SAMD12: variants seen among roughly 807,000 people sequenced by gnomAD.
SAMD12 encodes sterile alpha motif domain-containing protein 12.
Under a neutral mutation model 15.0 loss-of-function variants are expected in SAMD12, and 9 were observed. The observed-to-expected ratio is 0.60, with a 90% CI of 0.36 to 1.05. SAMD12 has a LOEUF of 1.05. SAMD12 is among the 50% of genes least tolerant of loss of function. SAMD12 has a pLI of 0.01. For missense variants in SAMD12, 230 were observed against 234.2 expected (o/e 0.98, Z 0.12); for synonymous variants, 86 against 90.1 (o/e 0.96, Z 0.25).
chr8:118,422,835 A>G (rs1016691541), intron 3 of SAMD12, among the ~76,000 whole-genome samples: 7 of 152,162 alleles, frequency 4.6e-5, no homozygotes, highest in African/African-American at 1.7e-4. Context: ...GAAATGCAAA[A>G]GTGGAGGGAG....
chr8:118,467,641 C>T (rs1032394577), intron 2 of SAMD12, among the ~76,000 whole-genome samples: 6 of 152,178 alleles, frequency 3.9e-5, no homozygotes, highest in Non-Finnish European at 7.4e-5. Flanking sequence ...TGTTAGATAT[C>T]GACTCTAGGA....
intron 1 of SAMD12, among the ~76,000 whole-genome samples, chr8:118,590,477 T>G (rs192263798): frequency 6.6e-6 from 1 of 152,346 alleles, no homozygotes; most frequent in Admixed American, 6.5e-5. Flanking sequence ...AGGTGAGCCT[T>G]CCTTCCTGCG....
At chr8:118,239,692 T>C (rs1179884196) in intron 4 of SAMD12, among the ~76,000 whole-genome samples, 4 of 152,152 alleles carry the variant, frequency 2.6e-5, no homozygotes, top group Non-Finnish European at 4.4e-5. Flanking sequence ...TGGGCTAGGA[T>C]ACCAAAGGGT....
rs1197234081 is a variant in SAMD12, at chr8:118,366,899, TAA to T, written c.433+12659_433+12660del. Among the ~76,000 whole-genome samples the T allele has an allele frequency of 5.5e-3, 493 of 90,378 alleles. 5 individuals are homozygous for T. Among genetic ancestry groups the T allele is most frequent in the Non-Finnish European group, 7.9e-3 (332 of 42,202 alleles). 59.3% of individuals were successfully genotyped at this position (90,378 alleles called of 152,430 possible). ...AATAAAATAATAAAATAAAATAAAATAAAATAAAATAAAATAAAAATGAACAA... is the reference window on the plus strand; with the variant it reads ...AATAAAATAATAAAATAAAATAAAATAATAAAATAAAATAAAAATGAACAA... On this transcript the variant is annotated intron_variant, in intron 4 of 4. Transcript: ENST00000409003.
chr8:118,424,712 C>A (rs1337426461), intron 3 of SAMD12, among the ~76,000 whole-genome samples: 5 of 152,170 alleles, frequency 3.3e-5, no homozygotes, highest in African/African-American at 1.2e-4. Context: ...AACAGTGCCA[C>A]AGGATTGTAA....
downstream of SAMD12, among the ~76,000 whole-genome samples, chr8:118,187,301 A>C (rs1191594455): frequency 6.6e-6 from 1 of 152,236 alleles, no homozygotes; most frequent in Non-Finnish European, 1.5e-5. Context: ...GTGAAAAATA[A>C]GGGAAAGCTA....
In SAMD12 at chr8:118,457,275, T is replaced by C. The variant is rs1823286616; in HGVS notation, c.193-17314A>G. Among the ~76,000 whole-genome samples, 6 of 151,196 alleles carry C rather than the reference T, an allele frequency of 4.0e-5. No individual in the cohort carries two copies. The Admixed American group carries it at 4.0e-4, about 10-fold the overall frequency. ...GAGACAAGGCTTACTCTCTTGCCCATGCTGGAGTGCGGTGGCATGATCATC... is the reference window on the plus strand; with the variant it reads ...GAGACAAGGCTTACTCTCTTGCCCACGCTGGAGTGCGGTGGCATGATCATC... On this transcript the variant is annotated intron_variant, in intron 2 of 3. Transcript: ENST00000314727.
At chr8:118,308,428 C>G (rs1815453671) in intron 4 of SAMD12, among the ~76,000 whole-genome samples, 1 of 152,104 alleles carries the variant, frequency 6.6e-6, no homozygotes, top group South Asian at 2.1e-4. Context: ...CACAACTACC[C>G]TATGCATTAG....
chr8:118,160,839 C>T, the SAMD12 span, among the ~76,000 whole-genome samples: 23 of 151,994 alleles, frequency 1.5e-4, no homozygotes, highest in East Asian at 3.9e-4. Flanking sequence ...ATGTGCACAA[C>T]GTGCAGGTTT....
chr8:118,246,818 G>A (rs1204299893), intron 4 of SAMD12, among the ~76,000 whole-genome samples: 1 of 152,100 alleles, frequency 6.6e-6, no homozygotes, highest in Non-Finnish European at 1.5e-5. Context: ...GTTAGATGAG[G>A]AAGGATTTCC....
intron 4 of SAMD12, among the ~76,000 whole-genome samples, chr8:118,259,883 T>A (rs1813036118): frequency 1.3e-5 from 2 of 152,128 alleles, no homozygotes; most frequent in South Asian, 4.1e-4. Context: ...TGGTTGCTAG[T>A]ACATTTCAAG....
At chr8:118,329,999 G>A (rs1446124261) in intron 4 of SAMD12, among the ~76,000 whole-genome samples, 1 of 152,080 alleles carries the variant, frequency 6.6e-6, no homozygotes, top group African/African-American at 2.4e-5. Context: ...AGAAGAACTC[G>A]CTTGTATGGA....
chr8:118,245,994 T>C (rs1812682191), intron 4 of SAMD12, among the ~76,000 whole-genome samples: 1 of 152,054 alleles, frequency 6.6e-6, no homozygotes, highest in African/African-American at 2.4e-5. Flanking sequence ...AGAGCTAAAG[T>C]GGAGAGGGAA....
intron 3 of SAMD12, among the ~76,000 whole-genome samples, chr8:118,384,410 C>T (rs561444809): frequency 3.9e-5 from 6 of 152,282 alleles, no homozygotes; most frequent in South Asian, 2.1e-4. Context: ...GAGGAGTCCG[C>T]GGACTATCAC....
intron 3 of SAMD12, among the ~76,000 whole-genome samples, chr8:118,384,636 G>A (rs535859449): frequency 6.6e-6 from 1 of 152,318 alleles, no homozygotes; most frequent in Admixed American, 6.5e-5. Flanking sequence ...GTCACTGCTT[G>A]AGAGAGGATG....
the SAMD12 span, among the ~76,000 whole-genome samples, chr8:118,160,229 A>G: frequency 2.0e-5 from 3 of 152,248 alleles, no homozygotes; most frequent in African/African-American, 7.2e-5. Flanking sequence ...TGCTGAAGTT[A>G]ATTTAAGCAG....
At chr8:118,421,360 C>T (rs915164995) in intron 3 of SAMD12, among the ~76,000 whole-genome samples, 1 of 152,074 alleles carries the variant, frequency 6.6e-6, no homozygotes, top group Non-Finnish European at 1.5e-5. Flanking sequence ...CAAAATTGTT[C>T]AATATTGGCA....
At chr8:118,241,130 G>A (rs1344799230) in intron 4 of SAMD12, among the ~76,000 whole-genome samples, 4 of 152,128 alleles carry the variant, frequency 2.6e-5, no homozygotes, top group Admixed American at 6.5e-5. Flanking sequence ...GGTCTGCACC[G>A]AGGTCAAAGT....
chr8:118,572,663 C>T (rs1563591488), intron 2 of SAMD12, among the ~76,000 whole-genome samples: 2 of 152,186 alleles, frequency 1.3e-5, no homozygotes, highest in African/African-American at 2.4e-5. Context: ...TAAGACATGC[C>T]TTGCTCCTCT....
Sources: allele counts gnomAD v4.1 joint callset (sites outside exome capture counted in the v4.1 genomes callset), GRCh38; gene constraint gnomAD v4.1.1; transcripts MANE v1.5; gene names NCBI Gene and HGNC (gene_info 2026-07-23, HGNC 2026-07-21).